NCOA7: variants seen among roughly 807,000 people sequenced by gnomAD.
The protein encoded by NCOA7 is nuclear receptor coactivator 7, also known as 140 kDa estrogen receptor-associated protein.
A neutral mutation model predicts 104.3 loss-of-function variants in NCOA7; 45 were observed. The observed-to-expected ratio is 0.43, with a 90% CI of 0.34 to 0.55. The LOEUF (loss-of-function observed/expected upper bound fraction) is 0.55. Among genes scored for constraint, NCOA7 ranks in the 20% least tolerant of loss-of-function variants. NCOA7 has a pLI of 0.02. For missense variants in NCOA7, 1,041 were observed against 1,119.7 expected, an observed-to-expected ratio of 0.93 and a Z score of 1.00; for synonymous variants, 398 against 402.3, an observed-to-expected ratio of 0.99 and a Z score of 0.13.
At chr6:125,874,047 G>A (rs1186773955) in intron 3 of NCOA7, among the ~76,000 whole-genome samples, 4 of 152,212 alleles carry the variant, frequency 2.6e-5, no homozygotes, top group East Asian at 1.9e-4. Context: ...AAATCTGGCC[G>A]GATGTGGTGG....
At chr6:125,858,652 C>T (rs1293963079) in intron 3 of NCOA7, among the ~76,000 whole-genome samples, 2 of 151,796 alleles carry the variant, frequency 1.3e-5, no homozygotes, top group African/African-American at 4.8e-5. Context: ...AAAGAAATGC[C>T]ATTAAAGCTT....
At position 125,913,718 on chromosome 6, in the gene NCOA7, G is replaced by T. The variant is rs562617891; in HGVS notation, c.2097-1615G>T. On this transcript the variant is annotated intron_variant, in intron 10 of 15. Coordinates refer to ENST00000392477, the MANE Select transcript of NCOA7 (RefSeq NM_181782.5). The stretch of plus-strand genomic sequence containing the variant: ...GGTAAGTCTGTACTGTGGGGGAAAA[G>T]ACATGATTAATATAAAAAGGGAAAC... 5.5e-6 allele frequency: 5 copies of T among 909,608 alleles called. No individual in the cohort carries two copies. The South Asian group carries it at 2.0e-4, about 37-fold the overall frequency. The allele number at this position is 909,608 out of a possible 1,614,324, so 56.3% of individuals were successfully genotyped here.
At chr6:125,861,667 G>A (rs565896617) in intron 3 of NCOA7, among the ~76,000 whole-genome samples, 5 of 152,128 alleles carry the variant, frequency 3.3e-5, no homozygotes, top group African/African-American at 9.7e-5. Flanking sequence ...TAGTGTTTTC[G>A]TGACATACCT....
intron 13 of NCOA7, among the ~76,000 whole-genome samples, chr6:125,927,081 T>C (rs1169776419): frequency 6.6e-6 from 1 of 152,224 alleles, no homozygotes; most frequent in Non-Finnish European, 1.5e-5. Flanking sequence ...TACGGGGTTA[T>C]TTGTTTCTTA....
chr6:125,899,918 G>A (rs1176683213), intron 10 of NCOA7: 11 of 520,810 alleles, frequency 2.1e-5, no homozygotes, highest in Non-Finnish European at 3.2e-5. Flanking sequence ...GTGCTTTCTG[G>A]TGGCGGAGCA....
At chr6:125,873,248 G>A (rs1225027305) in intron 3 of NCOA7, among the ~76,000 whole-genome samples, 1 of 151,812 alleles carries the variant, frequency 6.6e-6, no homozygotes, top group African/African-American at 2.4e-5. Context: ...GTCCAAGCCG[G>A]GCTTCTTGTC....
At position 125,928,151 on chromosome 6, in the gene NCOA7, C is replaced by A. The variant is rs78730149; in HGVS notation, c.2620-23C>A. The A allele has an allele frequency of 9.4e-6, 15 of 1,590,104 alleles. No homozygotes were observed. The East Asian group carries it at 1.3e-4, about 14-fold the overall frequency. ...TTCTCCAGATTAAAATGTCTGTTTT[C>A]TTTTTTGTGTTTCTTCCCCAAGGTC... On this transcript the variant is annotated intron_variant, in intron 14 of 15. Transcript: ENST00000392477.
chr6:125,918,946 G>A (rs116372670), intron 11 of NCOA7, among the ~76,000 whole-genome samples: 4,110 of 151,746 alleles, frequency 0.027, 189 homozygotes, highest in African/African-American at 0.088. Context: ...GGTGCTGGGG[G>A]CGGGGGAGAA....
At chr6:125,799,334 A>G (rs554860493) in intron 1 of NCOA7, among the ~76,000 whole-genome samples, 1 of 152,204 alleles carries the variant, frequency 6.6e-6, no homozygotes, top group African/African-American at 2.4e-5. Context: ...ACTTAATTCC[A>G]TGAATACTTT....
chr6:125,788,250 C>T (rs771309779), upstream of NCOA7, among the ~76,000 whole-genome samples: 20 of 152,266 alleles, frequency 1.3e-4, no homozygotes, highest in Middle Eastern at 3.4e-3. Context: ...TAAATTTAAA[C>T]GGCTACAAGT....
intron 1 of NCOA7, among the ~76,000 whole-genome samples, chr6:125,799,366 G>C (rs80215322): frequency 6.6e-6 from 1 of 151,662 alleles, no homozygotes; most frequent in East Asian, 1.9e-4. Flanking sequence ...ATTGTATGCT[G>C]ACTTCAGTTC....
intron 1 of NCOA7, among the ~76,000 whole-genome samples, chr6:125,798,466 C>G (rs534987878): frequency 6.6e-6 from 1 of 152,042 alleles, no homozygotes; most frequent in East Asian, 1.9e-4. Flanking sequence ...AAGCAACTAT[C>G]TAAGTATTAG....
chr6:125,794,003 C>T (rs1775081539), intron 1 of NCOA7, among the ~76,000 whole-genome samples: 1 of 152,148 alleles, frequency 6.6e-6, no homozygotes, highest in South Asian at 2.1e-4. Flanking sequence ...ATGACGTCAA[C>T]CTATTCCCTT....
chr6:125,879,406 A>C (rs545039134), intron 5 of NCOA7, among the ~76,000 whole-genome samples: 1 of 152,328 alleles, frequency 6.6e-6, no homozygotes, highest in Non-Finnish European at 1.5e-5. Flanking sequence ...GTCTCTTTGC[A>C]TTAATTATAT....
At chr6:125,843,402 T>G (rs909574421) in intron 2 of NCOA7, among the ~76,000 whole-genome samples, 1 of 152,168 alleles carries the variant, frequency 6.6e-6, no homozygotes, top group Non-Finnish European at 1.5e-5. Flanking sequence ...TGTAAGAGAA[T>G]AAATGTGTGT....
At chr6:125,896,727 G>A (rs1256154619) in intron 10 of NCOA7, among the ~76,000 whole-genome samples, 1 of 152,172 alleles carries the variant, frequency 6.6e-6, no homozygotes, top group African/African-American at 2.4e-5. Flanking sequence ...GAGATGCTGA[G>A]GCTGCAGTGA....
intron 10 of NCOA7, among the ~76,000 whole-genome samples, chr6:125,911,830 C>T (rs1044079517): frequency 6.6e-6 from 1 of 152,098 alleles, no homozygotes; most frequent in African/African-American, 2.4e-5. Context: ...TCCATGCTCC[C>T]GTTCCATGGT....
Position 125,890,860 on chromosome 6 carries a change from G to T in NCOA7, c.2096+50G>T, listed in dbSNP as rs771459201. ...TCTGTGGGTCTGTTAGGTTTGGATG[G>T]CGTTTTGATATTCTTTATCTTAAAA... On this transcript the variant is annotated intron_variant, in intron 10 of 15. Coordinates refer to ENST00000392477, the MANE Select transcript of NCOA7 (RefSeq NM_181782.5). 4.0e-5 allele frequency: 56 copies of T among 1,396,832 alleles called. 1 individual carries two copies. The highest frequency in any genetic ancestry group is 5.7e-6 in the Non-Finnish European group (6 of 1,061,148). 86.5% of individuals were successfully genotyped at this position (1,396,832 alleles called of 1,614,324 possible).
chr6:125,922,634 A>C, intron 12 of NCOA7, 48 bp from the exon 13 acceptor site: 1 of 1,587,446 alleles, frequency 6.3e-7, no homozygotes, highest in Non-Finnish European at 8.6e-7. Flanking sequence ...GTTCGTGAGC[A>C]ATTTGTGGGT....
Sources: allele counts gnomAD v4.1 joint callset (sites outside exome capture counted in the v4.1 genomes callset), GRCh38; gene constraint gnomAD v4.1.1; transcripts MANE v1.5; gene names NCBI Gene and HGNC (gene_info 2026-07-23, HGNC 2026-07-21).